TTLL5: variants seen among roughly 807,000 people sequenced by gnomAD.
TTLL5 encodes tubulin tyrosine ligase like 5.
TTLL5 carries 132 observed loss-of-function variants against 168.4 expected under a neutral mutation model. That is an observed-to-expected ratio of 0.78 (90% CI 0.68 to 0.91). The LOEUF (loss-of-function observed/expected upper bound fraction) is 0.91. TTLL5 is among the 40% of genes least tolerant of loss of function. The pLI is 0.00. For missense variants in TTLL5, 1,545 were observed against 1,581.5 expected (o/e 0.98, Z 0.39); for synonymous variants, 546 against 558.6 (o/e 0.98, Z 0.32).
intron 3 of TTLL5, among the ~76,000 whole-genome samples, chr14:75,678,572 CTT>C (rs551194822): frequency 6.6e-6 from 1 of 151,456 alleles, no homozygotes; most frequent in South Asian, 2.1e-4. Flanking sequence ...ATTTCCTAGA[CTT>C]TTTTTTTGTC....
At chr14:75,854,610 A>G (rs1897039930) in intron 28 of TTLL5, among the ~76,000 whole-genome samples, 1 of 152,230 alleles carries the variant, frequency 6.6e-6, no homozygotes, top group African/African-American at 2.4e-5. Context: ...AAACGATTGC[A>G]TCATTTTACA....
At chr14:75,872,312 G>A (rs780347872) in intron 29 of TTLL5, among the ~76,000 whole-genome samples, 12 of 152,038 alleles carry the variant, frequency 7.9e-5, no homozygotes, top group Non-Finnish European at 1.5e-4. Context: ...ACATTTCTAC[G>A]TTTGCTTTAG....
chr14:75,813,851 G>A (rs1237138967), intron 27 of TTLL5, among the ~76,000 whole-genome samples: 1 of 151,166 alleles, frequency 6.6e-6, no homozygotes, highest in African/African-American at 2.4e-5. Flanking sequence ...AAAGCTATAG[G>A]TTTTCAACTA....
intron 29 of TTLL5, among the ~76,000 whole-genome samples, chr14:75,877,437 G>A (rs1379786210): frequency 1.3e-5 from 2 of 152,158 alleles, no homozygotes; most frequent in African/African-American, 2.4e-5. Flanking sequence ...TTCTGTTGTG[G>A]GAGAAGGAGG....
chr14:75,880,238 CTG>C (rs1456479274), intron 29 of TTLL5, among the ~76,000 whole-genome samples: 1 of 152,058 alleles, frequency 6.6e-6, no homozygotes, highest in Non-Finnish European at 1.5e-5. Flanking sequence ...ACTAAACTCA[CTG>C]TTCTGAACCT....
At chr14:75,898,047 A>G (rs1292974868) in intron 30 of TTLL5, among the ~76,000 whole-genome samples, 1 of 152,216 alleles carries the variant, frequency 6.6e-6, no homozygotes, top group Non-Finnish European at 1.5e-5. Flanking sequence ...CTCACTGTCA[A>G]GCTCTTGATA....
rs757616917 is a variant in TTLL5, at chr14:75,863,702, A to C, written c.3362A>C (p.Glu1121Ala). Residue 1121 changes from glutamate (E) to alanine (A), a missense_variant, in exon 29 of 32, where the codon GAA becomes GCA. Coordinates refer to ENST00000298832, the MANE Select transcript of TTLL5 (RefSeq NM_015072.5). ...ACAGGGGGATTTGCCTGGGAAGGAG[A>C]AGTAGAAAACAACGTGTACAGCCAG... The part of the protein sequence containing the change: ...LQTGGFAWEG[E>A]VENNVYSQAT... 6.2e-7 allele frequency: 1 copy of C among 1,612,562 alleles called. No homozygotes were observed. The highest frequency in any genetic ancestry group is 1.1e-5 in the South Asian group (1 of 90,872).
chr14:75,889,007 A>G (rs894404758), intron 30 of TTLL5, among the ~76,000 whole-genome samples: 1 of 152,198 alleles, frequency 6.6e-6, no homozygotes, highest in African/African-American at 2.4e-5. Flanking sequence ...TAAGCAAGAA[A>G]TAATAACATT....
chr14:75,929,570 A>G (rs1314003779), intron 31 of TTLL5, among the ~76,000 whole-genome samples: 1 of 148,072 alleles, frequency 6.8e-6, no homozygotes, highest in African/African-American at 2.5e-5. Context: ...TCTCTGCCTC[A>G]GCCGCCCAAG....
chr14:75,779,592 AG>A lies in TTLL5; in HGVS notation c.2407del (p.Val803CysfsTer2), dbSNP rs761266745. On this transcript the variant is annotated frameshift_variant, in exon 24 of 32. Coordinates refer to ENST00000298832, the MANE Select transcript of TTLL5 (RefSeq NM_015072.5). LOFTEE classifies it high-confidence loss of function. The stretch of plus-strand genomic sequence containing the variant: ...CATTTCAGTGAGGCTGAACTGGAGG[AG>A]GTGTTGACTTTTTATACCCAAAAGA... Reference protein sequence around the residue: ...IRQASEAELEEVLTFYTQKNK... With the variant: ...IRQASEAELEXVLTFYTQKNK... 10 of 1,613,344 alleles carry A rather than the reference AG, an allele frequency of 6.2e-6. No homozygotes were observed. The highest frequency in any genetic ancestry group is 8.5e-6 in the Non-Finnish European group (10 of 1,179,796).
At position 75,874,933 on chromosome 14, in the gene TTLL5, C is replaced by CTTTTTTTTTTTTTTT. The variant is rs1555353208; in HGVS notation, c.3523-7748_3523-7734dup. Among the ~76,000 whole-genome samples the CTTTTTTTTTTTTTTT allele has an allele frequency of 3.3e-3, 325 of 97,496 alleles. 29 individuals carry two copies. Among genetic ancestry groups the CTTTTTTTTTTTTTTT allele is most frequent in the African/African-American group, 0.014 (294 of 20,334 alleles). The allele number at this position is 97,496 out of a possible 152,430, so 64.0% of individuals were successfully genotyped here. On this transcript the variant is annotated intron_variant, in intron 29 of 31. Transcript: ENST00000298832. ...AGAGAAAAAAAAAGACACTGGGGGC[C>CTTTTTTTTTTTTTTT]TTTTTTTTTTTTTTTTTTGAGACGG...
chr14:75,832,630 T>C (rs965279042), intron 28 of TTLL5, among the ~76,000 whole-genome samples: 4 of 152,194 alleles, frequency 2.6e-5, no homozygotes, highest in Non-Finnish European at 5.9e-5. Context: ...CTTTGTAAAC[T>C]GTAAAGTATT....
intron 6 of TTLL5, among the ~76,000 whole-genome samples, chr14:75,695,562 G>A (rs1020102921): frequency 6.6e-5 from 10 of 151,988 alleles, no homozygotes; most frequent in African/African-American, 1.9e-4. Flanking sequence ...GGCTCAGGGG[G>A]CATCATGGAA....
At chr14:75,872,089 A>C (rs2031083400) in intron 29 of TTLL5, among the ~76,000 whole-genome samples, 2 of 152,230 alleles carry the variant, frequency 1.3e-5, no homozygotes, top group South Asian at 4.1e-4. Context: ...ACCTATCTTT[A>C]TTTAGCCAGT....
intron 31 of TTLL5, among the ~76,000 whole-genome samples, chr14:75,945,518 G>C (rs1415865623): frequency 6.6e-6 from 1 of 151,972 alleles, no homozygotes; most frequent in Non-Finnish European, 1.5e-5. Flanking sequence ...GCCTCCCAAA[G>C]TGCTGGGATT....
chr14:75,950,738 A>AGG (rs1287138300), intron 31 of TTLL5, among the ~76,000 whole-genome samples: 11 of 151,748 alleles, frequency 7.2e-5, no homozygotes, highest in African/African-American at 2.7e-4. Flanking sequence ...GTGGCCAAGG[A>AGG]GGGAGGATCA....
intron 6 of TTLL5, among the ~76,000 whole-genome samples, chr14:75,690,683 G>A (rs917108768): frequency 2.0e-5 from 3 of 151,490 alleles, no homozygotes; most frequent in Non-Finnish European, 2.9e-5. Context: ...ACAGTGGCAC[G>A]ATCATGGCTC....
At chr14:75,902,405 A>G in intron 31 of TTLL5, 181 bp downstream of exon 31, 1 of 706,784 alleles carries the variant, frequency 1.4e-6, no homozygotes, top group Non-Finnish European at 2.5e-6. Context: ...TTGGCAGCCT[A>G]AAATAGGCAT....
At chr14:75,702,228 T>A (rs575623101) in intron 7 of TTLL5, among the ~76,000 whole-genome samples, 11 of 152,384 alleles carry the variant, frequency 7.2e-5, no homozygotes, top group African/African-American at 2.6e-4. Flanking sequence ...GGAGGCCTTT[T>A]ACCCTGAGTC....
Sources: gnomAD v4.1 joint callset for allele counts (sites outside exome capture counted in the v4.1 genomes callset) on GRCh38, gnomAD v4.1.1 for gene constraint, MANE v1.5 for transcripts, NCBI Gene and HGNC (gene_info 2026-07-23, HGNC 2026-07-21) for gene names.